Variants in ABR observed in about 807,000 individuals in gnomAD.
The protein encoded by ABR is active breakpoint cluster region-related protein.
A neutral mutation model predicts 107.2 loss-of-function variants in ABR; 35 were observed. The observed-to-expected ratio is 0.33, with a 90% CI of 0.25 to 0.43. The LOEUF (loss-of-function observed/expected upper bound fraction) is 0.43, where lower values mean the gene tolerates loss of function less well. ABR is among the 20% of genes least tolerant of loss of function. The probability of loss-of-function intolerance (pLI) is 1.00; values close to 1 mark genes in which losing one functional copy is unlikely to be tolerated. For synonymous variants in ABR, 498 were observed against 462.0 expected (o/e 1.08, Z -1.00); for missense variants, 815 against 1,115.2 (o/e 0.73, Z 3.83).
intron 14 of ABR, among the ~76,000 whole-genome samples, chr17:1,052,280 G>T (rs971244081): frequency 1.3e-5 from 2 of 151,666 alleles, no homozygotes. Flanking sequence ...GTTTGAGACG[G>T]GCCATGAAGT....
chr17:1,128,272 A>G (rs1258461379), intron 1 of ABR, among the ~76,000 whole-genome samples: 1 of 152,254 alleles, frequency 6.6e-6, no homozygotes, highest in Non-Finnish European at 1.5e-5. Flanking sequence ...GGGGAGGAAG[A>G]TGGGGACCTA....
At chr17:1,019,441 T>C (rs1425811007) in intron 16 of ABR, among the ~76,000 whole-genome samples, 1 of 151,756 alleles carries the variant, frequency 6.6e-6, no homozygotes, top group East Asian at 2.0e-4. Context: ...GACATCTTCC[T>C]GGTGCCTGCT....
rs1027487708 is a variant in ABR, at chr17:1,071,438, A to T, written c.894+1176T>A. On this transcript the variant is annotated intron_variant, in intron 8 of 22. Transcript: ENST00000302538. The surrounding 1 kb of genome is among the most constrained non-coding windows in gnomAD (Gnocchi z 5.1). ...GCCTAATGGCCTCCCCTGGACAGGA[A>T]GCCTTTCACCCGGGCCCGGCTGCCA... is the stretch of plus-strand genomic sequence containing the variant. Among the ~76,000 whole-genome samples, 2 of 152,134 alleles carry T rather than the reference A, an allele frequency of 1.3e-5. No homozygotes were observed. The highest frequency in any genetic ancestry group is 2.4e-5 in the African/African-American group (1 of 41,416).
At chr17:1,217,551 A>G (rs1201744014) in intron 1 of ABR, among the ~76,000 whole-genome samples, 1 of 152,210 alleles carries the variant, frequency 6.6e-6, no homozygotes, top group Non-Finnish European at 1.5e-5. Context: ...TATTGATATT[A>G]TATTATCATC....
intron 3 of ABR, among the ~76,000 whole-genome samples, chr17:1,093,783 C>T (rs980260677): frequency 6.6e-6 from 1 of 152,146 alleles, no homozygotes; most frequent in Non-Finnish European, 1.5e-5. Flanking sequence ...GTCTCATCTA[C>T]TCAGATATAT....
chr17:1,094,370 ATTTTT>A (rs541367607), intron 3 of ABR, among the ~76,000 whole-genome samples: 1 of 139,928 alleles, frequency 7.1e-6, no homozygotes, highest in Admixed American at 7.2e-5. Flanking sequence ...CCAGACTGCA[ATTTTT>A]TTTTTTTTTT....
chr17:1,167,320 C>T (rs2041551853), intron 1 of ABR, among the ~76,000 whole-genome samples: 3 of 150,014 alleles, frequency 2.0e-5, no homozygotes, highest in Admixed American at 2.0e-4. Flanking sequence ...AGCCCTAGAG[C>T]ACTTCGTCTC....
intron 2 of ABR, among the ~76,000 whole-genome samples, chr17:1,108,000 ACAGCCTCC>A (rs991212174): frequency 1.3e-5 from 2 of 152,154 alleles, no homozygotes; most frequent in African/African-American, 4.8e-5. Flanking sequence ...AGGTTCAGGG[ACAGCCTCC>A]CGTCCCCAGC....
intron 1 of ABR, among the ~76,000 whole-genome samples, chr17:1,212,076 C>G (rs2042913121): frequency 2.1e-5 from 1 of 48,620 alleles, no homozygotes. Flanking sequence ...GAGCAAGACC[C>G]CATCTCGAAA....
At position 1,091,646 on chromosome 17, in the gene ABR, C is replaced by T. The variant is rs139925792; in HGVS notation, c.531+19G>A. 5.0e-6 allele frequency: 8 copies of T among 1,608,012 alleles called. No homozygotes were observed. The highest frequency in any genetic ancestry group is 5.9e-6 in the Non-Finnish European group (7 of 1,176,740). On this transcript the variant is annotated intron_variant, in intron 4 of 22. Transcript: ENST00000302538. ...CACTGAGGCCCTGCGTGAGGACCCT[C>T]CATCCCTGGCAGACTCACCAGCTTC...
At chr17:1,038,099 T>G (rs1052609785) in intron 16 of ABR, among the ~76,000 whole-genome samples, 2 of 151,864 alleles carry the variant, frequency 1.3e-5, no homozygotes, top group African/African-American at 4.8e-5. Flanking sequence ...GCCCACTGGC[T>G]CACACCTGCT....
chr17:1,171,878 C>T (rs1231549603), intron 1 of ABR, among the ~76,000 whole-genome samples: 9 of 152,166 alleles, frequency 5.9e-5, no homozygotes, highest in Admixed American at 4.6e-4. Flanking sequence ...TGCAGTGAGC[C>T]GAGATCGCAC....
intron 2 of ABR, among the ~76,000 whole-genome samples, chr17:1,112,043 G>A (rs893691839): frequency 6.6e-6 from 1 of 152,140 alleles, no homozygotes; most frequent in African/African-American, 2.4e-5. Flanking sequence ...CAAGTCCTTC[G>A]GTTCTTCTTT....
In ABR at chr17:1,067,250, C is replaced by T. The variant is rs371856352; in HGVS notation, c.1017-8G>A. The T allele has an allele frequency of 2.5e-5, 39 of 1,572,042 alleles. No individual in the cohort carries two copies. Among genetic ancestry groups the T allele is most frequent in the Middle Eastern group, 1.9e-4 (1 of 5,236 alleles). ...TCATACTGCTGGTGCTTCCTGCAAA[C>T]GAGCCAGAGGGAGCCATGAGCCAGA... On this transcript the variant is annotated splice_polypyrimidine_tract_variant and splice_region_variant and intron_variant, in intron 9 of 22. Transcript: ENST00000302538.
At chr17:1,195,415 G>A (rs1367363242) in intron 1 of ABR, among the ~76,000 whole-genome samples, 1 of 151,286 alleles carries the variant, frequency 6.6e-6, no homozygotes, top group Non-Finnish European at 1.5e-5. Flanking sequence ...GTTTTCTACT[G>A]CTACAGTGAT....
chr17:1,056,370 AGT>A (rs1314619304), intron 13 of ABR, among the ~76,000 whole-genome samples: 1 of 152,138 alleles, frequency 6.6e-6, no homozygotes, highest in Non-Finnish European at 1.5e-5. Flanking sequence ...CCAGGGACTT[AGT>A]ACCATTCCCC....
intron 2 of ABR, among the ~76,000 whole-genome samples, chr17:1,120,947 G>T (rs994688790): frequency 6.6e-6 from 1 of 152,174 alleles, no homozygotes; most frequent in Non-Finnish European, 1.5e-5. Flanking sequence ...GGGGAGGCGG[G>T]TTTTCTGTAA....
chr17:1,229,603 G>T (rs936916284), exon 1 of ABR, among the ~76,000 whole-genome samples: 2 of 152,000 alleles, frequency 1.3e-5, no homozygotes, highest in Non-Finnish European at 2.9e-5. Flanking sequence ...GCCCGCCAGC[G>T]CCGCTCGAAC....
intron 1 of ABR, among the ~76,000 whole-genome samples, chr17:1,147,364 G>GT (rs553493542): frequency 0.37 from 52,684 of 141,560 alleles, 10,577 homozygotes; most frequent in South Asian, 0.48. Flanking sequence ...GGTTTTGGTT[G>GT]TTTTTTTTTT....
Sources: gnomAD v4.1 joint callset for allele counts (sites outside exome capture counted in the v4.1 genomes callset) on GRCh38, gnomAD v4.1.1 for gene constraint, Gnocchi (gnomAD v3.1) non-coding constraint, MANE v1.5 for transcripts, NCBI Gene and HGNC (gene_info 2026-07-23, HGNC 2026-07-21) for gene names.